The following UBASH3B variants were observed in gnomAD, a reference collection of about 807,000 sequenced individuals.
The protein encoded by UBASH3B is ubiquitin-associated and SH3 domain-containing protein B.
A neutral mutation model predicts 83.4 loss-of-function variants in UBASH3B; 37 were observed. The observed-to-expected ratio is 0.44, with a 90% CI of 0.34 to 0.58. UBASH3B has a LOEUF of 0.58. Among genes scored for constraint, UBASH3B ranks in the 20% least tolerant of loss-of-function variants. The probability of loss-of-function intolerance (pLI) is 0.01; values close to 1 mark genes in which losing one functional copy is unlikely to be tolerated. For synonymous variants in UBASH3B, 304 were observed against 318.3 expected, an observed-to-expected ratio of 0.96 and a Z score of 0.48; for missense variants, 657 against 827.2, an observed-to-expected ratio of 0.79 and a Z score of 2.52.
At chr11:122,796,401 T>C in intron 8 of UBASH3B, 125 bp downstream of exon 8, 1 of 1,406,136 alleles carries the variant, frequency 7.1e-7, no homozygotes, top group African/African-American at 1.4e-5. Context: ...ATGTCTGTCA[T>C]GTGTAAGCCC....
Position 122,747,004 on chromosome 11 carries a change from T to G in UBASH3B, c.162-29215T>G, listed in dbSNP as rs1861129530. 2.0e-5 allele frequency among the ~76,000 whole-genome samples: 3 copies of G among 152,232 alleles called. No homozygotes were observed. In the East Asian group the frequency reaches 5.8e-4, roughly 29 times the overall value. The stretch of plus-strand genomic sequence containing the variant: ...CAGAAAAAGCAAAGTGGGCAAAGGT[T>G]CAACAGAGAGAACACCAGGGTGTGT... On this transcript the variant is annotated intron_variant, in intron 1 of 13. Transcript: ENST00000284273.
At chr11:122,677,784 G>A (rs1265342736) in intron 1 of UBASH3B, among the ~76,000 whole-genome samples, 1 of 151,736 alleles carries the variant, frequency 6.6e-6, no homozygotes, top group Non-Finnish European at 1.5e-5. Flanking sequence ...GGGTACTATT[G>A]CTTTTGAGGC....
At chr11:122,668,597 G>T (rs940526385) in intron 1 of UBASH3B, among the ~76,000 whole-genome samples, 3 of 152,212 alleles carry the variant, frequency 2.0e-5, no homozygotes, top group African/African-American at 7.2e-5. Flanking sequence ...GCGATATTCT[G>T]CTATAGCAGA....
At chr11:122,753,303 T>C (rs1861228802) in intron 1 of UBASH3B, among the ~76,000 whole-genome samples, 1 of 150,994 alleles carries the variant, frequency 6.6e-6, no homozygotes, top group African/African-American at 2.4e-5. Context: ...ATACAAAAAT[T>C]AGATGGGTGT....
intron 1 of UBASH3B, among the ~76,000 whole-genome samples, chr11:122,685,839 G>A (rs1164598469): frequency 6.6e-6 from 1 of 152,162 alleles, no homozygotes; most frequent in African/African-American, 2.4e-5. Context: ...CATTTTTATA[G>A]CTCGTTACAT....
chr11:122,734,174 C>T (rs1204128775), intron 1 of UBASH3B, among the ~76,000 whole-genome samples: 3 of 152,190 alleles, frequency 2.0e-5, no homozygotes, highest in Non-Finnish European at 2.9e-5. Flanking sequence ...GCTTGAGCCA[C>T]CACGCCCAGC....
In UBASH3B at chr11:122,785,366, A is replaced by G. The variant is rs193237106; in HGVS notation, c.771+2144A>G. 4.6e-5 allele frequency among the ~76,000 whole-genome samples: 7 copies of G among 152,168 alleles called. No homozygotes were observed. The East Asian group carries it at 1.4e-3, about 29-fold the overall frequency. ...CCTCTTCTTGCCTGCCTTCTTCAAC[A>G]TGCCCCCAGGAGGCAGTTTTGATTG... On this transcript the variant is annotated intron_variant, in intron 5 of 13. Transcript: ENST00000284273.
rs879565637 is a variant in UBASH3B at position 122,810,300 on chromosome 11, ATTTT to A, written c.*424_*427del. The A allele has an allele frequency of 6.7e-6, 1 of 149,488 alleles. No individual in the cohort carries two copies. Among genetic ancestry groups the A allele is most frequent in the Non-Finnish European group, 1.5e-5 (1 of 67,902 alleles). The allele number at this position is 149,488 out of a possible 1,614,324, so 9.3% of individuals were successfully genotyped here. A position where few individuals can be genotyped will look rare whatever the true frequency, so the allele number is the denominator to read the frequency against. ...ATTGAAAGGACAGCTTGGGGATGGA[ATTTT>A]TTTTTTTTTATCTCCATTTTCCAGT... On this transcript the variant is annotated 3_prime_UTR_variant, in exon 14 of 14. Transcript: ENST00000284273.
chr11:122,797,447 C>G (rs577792092), intron 9 of UBASH3B, among the ~76,000 whole-genome samples: 53 of 152,276 alleles, frequency 3.5e-4, no homozygotes, highest in Admixed American at 1.6e-3. Flanking sequence ...CTTTGCAAGC[C>G]CATTCCATTA....
intron 1 of UBASH3B, among the ~76,000 whole-genome samples, chr11:122,685,864 C>T (rs1029166298): frequency 2.6e-5 from 4 of 152,164 alleles, no homozygotes; most frequent in Non-Finnish European, 5.9e-5. Context: ...AAAGCATTTT[C>T]ACCTCATGGG....
At chr11:122,677,781 A>G (rs111594255) in intron 1 of UBASH3B, among the ~76,000 whole-genome samples, 63 of 151,854 alleles carry the variant, frequency 4.1e-4, no homozygotes, top group African/African-American at 1.5e-3. Flanking sequence ...TAAGGGTACT[A>G]TTGCTTTTGA....
chr11:122,720,474 T>G (rs1186134017), intron 1 of UBASH3B, among the ~76,000 whole-genome samples: 1 of 152,224 alleles, frequency 6.6e-6, no homozygotes, highest in Non-Finnish European at 1.5e-5. Flanking sequence ...CCTTTCAAAG[T>G]GTAAGGCAGA....
intron 1 of UBASH3B, among the ~76,000 whole-genome samples, chr11:122,705,486 A>C (rs1027080296): frequency 1.3e-5 from 2 of 151,864 alleles, no homozygotes; most frequent in East Asian, 3.9e-4. Context: ...AAAAGAAAAA[A>C]ATCTAAAATC....
chr11:122,778,590 A>ATTTTTTTTTTTTT (rs138539169), intron 3 of UBASH3B, among the ~76,000 whole-genome samples: 2 of 118,074 alleles, frequency 1.7e-5, no homozygotes, highest in African/African-American at 3.2e-5. Flanking sequence ...GAGAACTTTG[A>ATTTTTTTTTTTTT]TTTTTTTTTT....
intron 1 of UBASH3B, among the ~76,000 whole-genome samples, chr11:122,691,214 G>A (rs1863891765): frequency 6.6e-6 from 1 of 152,172 alleles, no homozygotes; most frequent in African/African-American, 2.4e-5. Context: ...GCCTTTGCCG[G>A]GCCTTTCCTG....
chr11:122,799,179 T>G (rs1173681051), intron 10 of UBASH3B, 145 bp downstream of exon 10: 1 of 729,740 alleles, frequency 1.4e-6, no homozygotes, highest in African/African-American at 1.8e-5. Context: ...CAGAAGGCGA[T>G]CTTTGCACAA....
chr11:122,666,449 C>T lies in UBASH3B; in HGVS notation c.161+10239C>T, dbSNP rs1314780155. On this transcript the variant is annotated intron_variant, in intron 1 of 13. Coordinates refer to ENST00000284273, the MANE Select transcript of UBASH3B (RefSeq NM_032873.5). ...TGTTTTTCGTTTTGAGACGGAGTCT[C>T]GCCCTGTCACCCAGGCTGGAGTGCA... is the stretch of plus-strand genomic sequence containing the variant. 5.3e-5 allele frequency among the ~76,000 whole-genome samples: 8 copies of T among 151,536 alleles called. 1 individual carries two copies. The highest frequency in any genetic ancestry group is 1.0e-4 in the Non-Finnish European group (7 of 67,904).
chr11:122,702,321 A>G (rs1864050592), intron 1 of UBASH3B, among the ~76,000 whole-genome samples: 1 of 152,196 alleles, frequency 6.6e-6, no homozygotes, highest in Admixed American at 6.6e-5. Context: ...TCTAAAATAA[A>G]GATCTTTTTA....
chr11:122,777,645 T>G (rs1214938156), intron 3 of UBASH3B, among the ~76,000 whole-genome samples: 1 of 152,124 alleles, frequency 6.6e-6, no homozygotes, highest in Non-Finnish European at 1.5e-5. Flanking sequence ...GCTATATATT[T>G]CTAGAGAATG....
Sources: allele counts gnomAD v4.1 joint callset (sites outside exome capture counted in the v4.1 genomes callset), GRCh38; gene constraint gnomAD v4.1.1; transcripts MANE v1.5; gene names NCBI Gene and HGNC (gene_info 2026-07-23, HGNC 2026-07-21).